SLC2A9: variants seen among roughly 807,000 people sequenced by gnomAD.
SLC2A9 encodes solute carrier family 2 member 9.
SLC2A9 carries 39 observed loss-of-function variants against 50.6 expected under a neutral mutation model. The ratio of observed to expected loss-of-function variants is 0.77; its 90% CI spans 0.60 to 1.01. SLC2A9 has a LOEUF of 1.01. Among genes scored for constraint, SLC2A9 ranks in the 50% least tolerant of loss-of-function variants. The pLI, the probability that SLC2A9 is intolerant of heterozygous loss-of-function variation, is 0.00. For missense variants in SLC2A9, 686 were observed against 677.6 expected, an observed-to-expected ratio of 1.01 and a Z score of -0.14; for synonymous variants, 324 against 276.9, an observed-to-expected ratio of 1.17 and a Z score of -1.69.
chr4:10,021,535 C>A, upstream of SLC2A9: 1 of 1,551,686 alleles, frequency 6.4e-7, no homozygotes. Context: ...GCGGGAGTTC[C>A]TGACAGGAAG....
chr4:9,887,812 G>T (rs978964111), intron 9 of SLC2A9, among the ~76,000 whole-genome samples, 170 bp from the exon 10 acceptor site: 2 of 152,122 alleles, frequency 1.3e-5, no homozygotes, highest in Non-Finnish European at 2.9e-5. Flanking sequence ...TAACCCTTCG[G>T]TCACTCCATC....
intron 5 of SLC2A9, among the ~76,000 whole-genome samples, chr4:9,968,289 G>A (rs1361719830): frequency 6.6e-6 from 1 of 152,140 alleles, no homozygotes; most frequent in African/African-American, 2.4e-5. Context: ...CAATTTTAAT[G>A]TGTCTCACAG....
chr4:10,002,383 GC>G (rs1327525733), intron 2 of SLC2A9, among the ~76,000 whole-genome samples: 1 of 152,154 alleles, frequency 6.6e-6, no homozygotes, highest in South Asian at 2.1e-4. Flanking sequence ...CAAACAAGGG[GC>G]CTGAGAGTTA....
chr4:9,969,990 G>A (rs1263172762), intron 5 of SLC2A9, among the ~76,000 whole-genome samples: 1 of 152,148 alleles, frequency 6.6e-6, no homozygotes, highest in Non-Finnish European at 1.5e-5. Context: ...AACACCACAG[G>A]CATTTAACCA....
At chr4:9,998,703 C>T (rs529433470) in intron 2 of SLC2A9, among the ~76,000 whole-genome samples, 2 of 152,266 alleles carry the variant, frequency 1.3e-5, no homozygotes, top group East Asian at 1.9e-4. Context: ...ACTCAGATGT[C>T]CATGGCAGCA....
intron 6 of SLC2A9, among the ~76,000 whole-genome samples, chr4:9,931,913 ACTCTCTCTCT>A (rs1163786274): frequency 0.015 from 236 of 15,518 alleles, 4 homozygotes; most frequent in Middle Eastern, 0.056. Context: ...AATGAGAATG[ACTCTCTCTCT>A]CTCTCTCTCT....
Position 9,847,442 on chromosome 4 carries a change from T to C in SLC2A9, c.1292-12434A>G, listed in dbSNP as rs763918552. ...CCAACCAGGTCCCTCCCCTGACACA[T>C]GGGAATTACAATTTGACATGAGATT... On this transcript the variant is annotated intron_variant, in intron 10 of 11. Coordinates refer to ENST00000264784, the MANE Select transcript of SLC2A9 (RefSeq NM_020041.3). Among the ~76,000 whole-genome samples the C allele has an allele frequency of 3.3e-5, 5 of 152,240 alleles. No homozygotes were observed. The East Asian group carries it at 7.7e-4, about 24-fold the overall frequency.
chr4:9,845,967 G>A (rs1037436414), intron 10 of SLC2A9, among the ~76,000 whole-genome samples: 2 of 152,082 alleles, frequency 1.3e-5, no homozygotes, highest in Non-Finnish European at 2.9e-5. Flanking sequence ...ATTTCCATCC[G>A]ACATTTACAT....
chr4:9,881,787 A>T (rs1735262065), intron 10 of SLC2A9, among the ~76,000 whole-genome samples: 1 of 152,230 alleles, frequency 6.6e-6, no homozygotes, highest in Admixed American at 6.5e-5. Flanking sequence ...CTAGGACTTA[A>T]GCTTCTGATA....
At chr4:9,845,774 C>T (rs959504216) in intron 10 of SLC2A9, among the ~76,000 whole-genome samples, 1 of 152,158 alleles carries the variant, frequency 6.6e-6, no homozygotes, top group African/African-American at 2.4e-5. Context: ...TATAAACCCC[C>T]TTAGAAATTT....
intron 5 of SLC2A9, among the ~76,000 whole-genome samples, chr4:9,959,396 A>AAG (rs59834205): frequency 9.7e-5 from 4 of 41,118 alleles, no homozygotes; most frequent in Non-Finnish European, 1.8e-4. Context: ...ACTCTGTCTC[A>AAG]AAAAAAAAAA....
Position 9,912,167 on chromosome 4 carries a change from C to A in SLC2A9, c.1003-3822G>T, listed in dbSNP as rs531966839. 2.2e-4 allele frequency among the ~76,000 whole-genome samples: 33 copies of A among 152,134 alleles called. No homozygotes were observed. In the Middle Eastern group the frequency reaches 0.017, roughly 78 times the overall value. On this transcript the variant is annotated intron_variant, in intron 7 of 11. Transcript: ENST00000264784. ...GGGTGGGGGGAGCGGGGAGGGAGAGCATTAGGAGATATACCTAATGTTAAA... is the reference window on the plus strand; with the variant it reads ...GGGTGGGGGGAGCGGGGAGGGAGAGAATTAGGAGATATACCTAATGTTAAA...
At chr4:10,006,098 CATTT>C (rs1760733585) in intron 2 of SLC2A9, among the ~76,000 whole-genome samples, 1 of 152,140 alleles carries the variant, frequency 6.6e-6, no homozygotes, top group African/African-American at 2.4e-5. Context: ...GGCCTAGGCT[CATTT>C]ATTTGTCAGA....
At chr4:9,965,097 T>C (rs962385038) in intron 5 of SLC2A9, among the ~76,000 whole-genome samples, 1 of 152,262 alleles carries the variant, frequency 6.6e-6, no homozygotes, top group African/African-American at 2.4e-5. Flanking sequence ...ATTCTCTTTC[T>C]TAAGCCTTAC....
At chr4:9,804,220 G>A (rs1188931746) in intron 3 of SLC2A9, among the ~76,000 whole-genome samples, 1 of 152,220 alleles carries the variant, frequency 6.6e-6, no homozygotes, top group East Asian at 1.9e-4. Context: ...GGTGATGAAT[G>A]TTCCTGGGTG....
chr4:9,983,972 G>A (rs7680126), intron 4 of SLC2A9, among the ~76,000 whole-genome samples: 122,013 of 152,130 alleles, frequency 0.8, 49,355 homozygotes, highest in East Asian at 0.98. Flanking sequence ...ATGAACATGA[G>A]AAAACAGTCT....
At chr4:9,949,812 G>A (rs1265778892) in intron 5 of SLC2A9, among the ~76,000 whole-genome samples, 2 of 152,212 alleles carry the variant, frequency 1.3e-5, no homozygotes, top group Non-Finnish European at 2.9e-5. Context: ...AATAGCTCAT[G>A]CTATTACAAA....
chr4:9,806,860 A>C (rs1463832315), intron 3 of SLC2A9, among the ~76,000 whole-genome samples: 3 of 152,212 alleles, frequency 2.0e-5, no homozygotes, highest in South Asian at 2.1e-4. Context: ...GCTTGAACTC[A>C]AAATAGCTTC....
intron 10 of SLC2A9, among the ~76,000 whole-genome samples, chr4:9,859,258 G>T (rs112851767): frequency 5.6e-4 from 82 of 146,106 alleles, no homozygotes; most frequent in Middle Eastern, 7.0e-3. Flanking sequence ...CCCTATTATA[G>T]GTGGGATTTG....
Sources: allele counts gnomAD v4.1 joint callset (sites outside exome capture counted in the v4.1 genomes callset), GRCh38; gene constraint gnomAD v4.1.1; transcripts MANE v1.5; gene names NCBI Gene and HGNC (gene_info 2026-07-23, HGNC 2026-07-21).